Variants in DOCK8 observed in about 807,000 individuals in gnomAD.
DOCK8 encodes dedicator of cytokinesis 8.
A neutral mutation model predicts 245.6 loss-of-function variants in DOCK8; 141 were observed. The ratio of observed to expected loss-of-function variants is 0.57; its 90% CI spans 0.50 to 0.66. The LOEUF (loss-of-function observed/expected upper bound fraction) is 0.66. DOCK8 is among the 30% of genes least tolerant of loss of function. The probability of loss-of-function intolerance (pLI) is 0.00; values close to 1 mark genes in which losing one functional copy is unlikely to be tolerated. For synonymous variants in DOCK8, 1,168 were observed against 970.2 expected, an observed-to-expected ratio of 1.20 and a Z score of -3.79; for missense variants, 2,965 against 2,603.4, an observed-to-expected ratio of 1.14 and a Z score of -3.02.
At chr9:313,701 TTAATAA>T (rs1563912105) in intron 6 of DOCK8, among the ~76,000 whole-genome samples, 1 of 152,140 alleles carries the variant, frequency 6.6e-6, no homozygotes, top group African/African-American at 2.4e-5. Context: ...GTGACCAGAG[TTAATAA>T]TAATGTGTTA....
At chr9:228,253 A>T (rs1166293307) in intron 1 of DOCK8, among the ~76,000 whole-genome samples, 1 of 152,190 alleles carries the variant, frequency 6.6e-6, no homozygotes, top group Non-Finnish European at 1.5e-5. Flanking sequence ...GATGTGTTTT[A>T]TTCCCAAAAA....
At chr9:328,232 A>G in intron 9 of DOCK8, 61 bp downstream of exon 9, 2 of 1,563,182 alleles carry the variant, frequency 1.3e-6, no homozygotes, top group Admixed American at 3.7e-5. Context: ...TGTTCCCAGC[A>G]CATGTTTGGG....
chr9:418,923 T>TA (rs1331845144), intron 30 of DOCK8, among the ~76,000 whole-genome samples: 3 of 151,604 alleles, frequency 2.0e-5, no homozygotes, highest in East Asian at 1.9e-4. Context: ...TAGCTTAGCG[T>TA]AAGGGCTTCT....
intron 4 of DOCK8, among the ~76,000 whole-genome samples, chr9:293,842 T>C (rs966069945): frequency 6.6e-6 from 1 of 152,250 alleles, no homozygotes; most frequent in African/African-American, 2.4e-5. Flanking sequence ...AGCTCTCCTT[T>C]AATTGGTTAT....
chr9:270,634 C>A (rs1019331492), intron 1 of DOCK8, among the ~76,000 whole-genome samples: 6 of 152,164 alleles, frequency 3.9e-5, no homozygotes, highest in Non-Finnish European at 8.8e-5. Flanking sequence ...AAACATAATA[C>A]GCTTCATTTG....
At chr9:220,113 G>C (rs978582256) in intron 1 of DOCK8, among the ~76,000 whole-genome samples, 4 of 152,204 alleles carry the variant, frequency 2.6e-5, no homozygotes, top group African/African-American at 9.7e-5. Flanking sequence ...GTGCTTTCAG[G>C]AATTGCTTTA....
intron 12 of DOCK8, among the ~76,000 whole-genome samples, chr9:338,791 G>C (rs1160062214): frequency 6.6e-6 from 1 of 152,168 alleles, no homozygotes; most frequent in Non-Finnish European, 1.5e-5. Flanking sequence ...ATCCCCAGAA[G>C]GACTGATAAG....
At chr9:287,165 C>T (rs533195600) in intron 3 of DOCK8, among the ~76,000 whole-genome samples, 1 of 152,254 alleles carries the variant, frequency 6.6e-6, no homozygotes, top group Non-Finnish European at 1.5e-5. Context: ...GTCAAAGTCC[C>T]TCCTTTAAAG....
intron 30 of DOCK8, among the ~76,000 whole-genome samples, chr9:419,794 T>C (rs1049090731): frequency 5.3e-5 from 8 of 152,208 alleles, no homozygotes; most frequent in African/African-American, 9.6e-5. Context: ...GCAAATAGCC[T>C]GAACCCCCAC....
At chr9:214,675 C>T (rs780921445), upstream of DOCK8, 4 of 1,590,060 alleles carry the variant, frequency 2.5e-6, no homozygotes, top group South Asian at 3.4e-5. Context: ...GTCGGCGGCC[C>T]CGGGCAGAGC....
intron 25 of DOCK8, among the ~76,000 whole-genome samples, chr9:397,317 C>G (rs976336210): frequency 1.3e-5 from 2 of 148,926 alleles, no homozygotes; most frequent in Non-Finnish European, 3.0e-5. Flanking sequence ...TGCCACAGCA[C>G]TCCAGCCTGG....
rs140392509 is a variant in DOCK8, at chr9:405,022, T to A, written c.3339T>A (p.Phe1113Leu). ...HEHYLNLNLFFMNADTAPTSP... is the reference protein window; with the variant it reads ...HEHYLNLNLFLMNADTAPTSP... Reference sequence around the variant, plus strand: ...ATTACCTCAATCTGAACCTTTTTTTTATGAATGCTGATACTGCTCCAACAT... The same window carrying A: ...ATTACCTCAATCTGAACCTTTTTTTAATGAATGCTGATACTGCTCCAACAT... Residue 1113 changes from phenylalanine to leucine, a missense_variant, in exon 27 of 48, where the codon TTT (phenylalanine) becomes TTA (leucine). Phe to Leu is a conservative substitution (Grantham distance 22, BLOSUM62 0). Transcript: ENST00000432829. The A allele has an allele frequency of 1.5e-5, 24 of 1,614,014 alleles. No homozygotes were observed. The highest frequency in any genetic ancestry group is 8.9e-5 in the East Asian group (4 of 44,876).
chr9:223,228 CAG>C (rs1168905937), intron 1 of DOCK8, among the ~76,000 whole-genome samples: 1 of 152,124 alleles, frequency 6.6e-6, no homozygotes, highest in Non-Finnish European at 1.5e-5. Context: ...TTAAGAAAAA[CAG>C]AAGTTAATAA....
In DOCK8 at chr9:441,379, A is replaced by T. The variant is rs2057089307; in HGVS notation, c.5317A>T (p.Ser1773Cys). The T allele has an allele frequency of 6.2e-7, 1 of 1,614,074 alleles. No homozygotes were observed. The highest frequency in any genetic ancestry group is 1.1e-5 in the South Asian group (1 of 91,086). Reference sequence around the variant, plus strand: ...ATTCCGGAAGCTGACACTCACTCACAGCAAGCTGCAGAGAGCCTTCGACAG... The same window carrying T: ...ATTCCGGAAGCTGACACTCACTCACTGCAAGCTGCAGAGAGCCTTCGACAG... ...REFRKLTLTH[S>C]KLQRAFDSIV... The change falls in exon 41 of 48, where the codon AGC becomes TGC. Residue 1773 changes from serine (S) to cysteine (C), a missense_variant. Ser to Cys is a moderately radical substitution (Grantham distance 112). Around this residue, in one of 3 missense-constraint regions of DOCK8, gnomAD observed 2,825 missense variants for 2,453.5 expected, o/e 1.15. Coordinates refer to ENST00000432829, the MANE Select transcript of DOCK8 (RefSeq NM_203447.4).
intron 6 of DOCK8, among the ~76,000 whole-genome samples, chr9:316,261 A>C (rs1018134939): frequency 4.6e-5 from 7 of 152,220 alleles, no homozygotes; most frequent in Non-Finnish European, 1.0e-4. Flanking sequence ...TTTGGAAAGC[A>C]TACTGCAAGA....
At chr9:440,983 C>T (rs997335710) in intron 40 of DOCK8, among the ~76,000 whole-genome samples, 6 of 152,176 alleles carry the variant, frequency 3.9e-5, no homozygotes, top group African/African-American at 1.4e-4. Context: ...ATCCTCCTGC[C>T]TCAGCCTCCC....
At chr9:284,733 A>G (rs2048739420) in intron 2 of DOCK8, among the ~76,000 whole-genome samples, 1 of 152,252 alleles carries the variant, frequency 6.6e-6, no homozygotes, top group African/African-American at 2.4e-5. Context: ...AAAATGTGGT[A>G]CATATACACC....
intron 26 of DOCK8, among the ~76,000 whole-genome samples, chr9:401,475 T>C (rs1341642593): frequency 6.6e-6 from 1 of 152,082 alleles, no homozygotes; most frequent in East Asian, 1.9e-4. Context: ...GTCAGAGAGC[T>C]CCAAGGGCTG....
At chr9:461,588 C>T (rs2057808616) in intron 46 of DOCK8, among the ~76,000 whole-genome samples, 1 of 126,356 alleles carries the variant, frequency 7.9e-6, no homozygotes, top group African/African-American at 3.1e-5. Flanking sequence ...GTCACCCAGG[C>T]TGGAGTGCAG....
Sources: gnomAD v4.1 joint callset for allele counts (sites outside exome capture counted in the v4.1 genomes callset) on GRCh38, gnomAD v4.1.1 for gene constraint, gnomAD v4.1.1 regional missense constraint, MANE v1.5 for transcripts, NCBI Gene and HGNC (gene_info 2026-07-23, HGNC 2026-07-21) for gene names.